COBL: variants seen among roughly 807,000 people sequenced by gnomAD.
COBL encodes cordon-bleu WH2 repeat protein.
In COBL, 51 loss-of-function variants were observed where a neutral mutation model predicts 98.8. The ratio of observed to expected loss-of-function variants is 0.52; its 90% CI spans 0.41 to 0.65. The LOEUF (loss-of-function observed/expected upper bound fraction) is 0.65. COBL is among the 30% of genes least tolerant of loss of function. The probability of loss-of-function intolerance (pLI) is 0.00; values close to 1 mark genes in which losing one functional copy is unlikely to be tolerated. For synonymous variants in COBL, 634 were observed against 651.7 expected (o/e 0.97, Z 0.41); for missense variants, 1,617 against 1,617.5 (o/e 1.00, Z 0.01).
intron 6 of COBL, among the ~76,000 whole-genome samples, chr7:51,094,411 T>C (rs748220511): frequency 1.4e-4 from 21 of 152,164 alleles, no homozygotes; most frequent in Non-Finnish European, 2.5e-4. Flanking sequence ...TGAGGTAATA[T>C]ATATACATTA....
At chr7:51,127,151 T>C (rs1798288743) in intron 6 of COBL, among the ~76,000 whole-genome samples, 1 of 152,140 alleles carries the variant, frequency 6.6e-6, no homozygotes, top group Non-Finnish European at 1.5e-5. Flanking sequence ...TCCCACCTCA[T>C]ATCCGTCTAT....
intron 2 of COBL, among the ~76,000 whole-genome samples, chr7:51,210,233 G>A (rs753541916): frequency 3.3e-5 from 5 of 152,042 alleles, no homozygotes; most frequent in Admixed American, 1.3e-4. Flanking sequence ...TTCAGCAGTC[G>A]AGGGTGGGAG....
chr7:51,026,504 G>C, intron 11 of COBL, 42 bp downstream of exon 11: 1 of 1,605,798 alleles, frequency 6.2e-7, no homozygotes, highest in Non-Finnish European at 8.5e-7. Flanking sequence ...GGGGTGGGTG[G>C]GTTTGAGCTC....
At chr7:51,022,949 C>T (rs1484549207) in intron 12 of COBL, 1 of 152,200 alleles carries the variant, frequency 6.6e-6, no homozygotes, top group Non-Finnish European at 1.5e-5. Flanking sequence ...ATTCAAGATA[C>T]AGATGTCCTA....
chr7:51,225,337 C>T (rs1191159003), intron 1 of COBL, among the ~76,000 whole-genome samples: 4 of 152,176 alleles, frequency 2.6e-5, no homozygotes, highest in African/African-American at 9.7e-5. Flanking sequence ...ATGCATGTGG[C>T]AGTTTAAAAA....
At chr7:51,097,432 G>C (rs567841283) in intron 6 of COBL, among the ~76,000 whole-genome samples, 2 of 152,148 alleles carry the variant, frequency 1.3e-5, no homozygotes, top group African/African-American at 4.8e-5. Context: ...TGAAAATAGT[G>C]TTGGGAGTCC....
chr7:51,293,178 T>C (rs962965665), intron 1 of COBL, among the ~76,000 whole-genome samples: 2 of 152,212 alleles, frequency 1.3e-5, no homozygotes, highest in African/African-American at 4.8e-5. Context: ...CAAATTACTT[T>C]TCAGCTAAGA....
At chr7:51,254,071 G>GT (rs35571345) in intron 1 of COBL, among the ~76,000 whole-genome samples, 47,751 of 147,286 alleles carry the variant, frequency 0.32, 8,939 homozygotes, top group Non-Finnish European at 0.43. Flanking sequence ...TTTTTGAGTT[G>GT]TTTTTTTTTT....
At position 51,275,157 on chromosome 7, in the gene COBL, C is replaced by T. The variant is rs538766160; in HGVS notation, c.41+41436G>A. Among the ~76,000 whole-genome samples, 279 of 152,248 alleles carry T rather than the reference C, an allele frequency of 1.8e-3. 1 individual carries two copies. The highest frequency in any genetic ancestry group is 2.9e-4 in the Non-Finnish European group (20 of 68,024). On this transcript the variant is annotated intron_variant, in intron 1 of 12. Coordinates refer to ENST00000265136, the MANE Select transcript of COBL (RefSeq NM_015198.5). ...CGCTCCATGTTTGTTCTGCTCTGCA[C>T]ATGAGAGAGAGGGGTCACCCCTGCG... is the stretch of plus-strand genomic sequence containing the variant.
chr7:51,258,904 C>A (rs1331074244), intron 1 of COBL, among the ~76,000 whole-genome samples: 4 of 152,146 alleles, frequency 2.6e-5, no homozygotes, highest in Admixed American at 1.3e-4. Flanking sequence ...AGCCTAATGT[C>A]CTAATCAGGC....
chr7:51,199,398 G>A (rs1166607442), intron 2 of COBL, among the ~76,000 whole-genome samples: 4 of 152,030 alleles, frequency 2.6e-5, no homozygotes, highest in African/African-American at 4.8e-5. Context: ...ACACACACAC[G>A]TTTACATGGA....
intron 6 of COBL, among the ~76,000 whole-genome samples, chr7:51,102,896 C>A (rs1040432015): frequency 2.0e-5 from 3 of 152,056 alleles, no homozygotes; most frequent in Non-Finnish European, 4.4e-5. Flanking sequence ...GGTTGCCAGG[C>A]GATGAGGGGA....
At chr7:51,243,254 T>C in intron 1 of COBL, among the ~76,000 whole-genome samples, 1 of 152,190 alleles carries the variant, frequency 6.6e-6, no homozygotes, top group East Asian at 1.9e-4. Flanking sequence ...TGAAGGCAGC[T>C]GTGTGCGGGG....
chr7:51,309,128 T>C (rs1009643980), intron 1 of COBL, among the ~76,000 whole-genome samples: 2 of 152,118 alleles, frequency 1.3e-5, no homozygotes, highest in African/African-American at 4.8e-5. Context: ...GAGTCATAAA[T>C]GCAATCACAA....
intron 1 of COBL, among the ~76,000 whole-genome samples, chr7:51,235,879 C>G (rs1326478540): frequency 6.6e-6 from 1 of 152,224 alleles, no homozygotes; most frequent in Non-Finnish European, 1.5e-5. Flanking sequence ...TGCACTCTTC[C>G]TGGGCCGAGA....
chr7:51,083,893 C>G (rs113465839), intron 7 of COBL, among the ~76,000 whole-genome samples: 1 of 151,986 alleles, frequency 6.6e-6, no homozygotes, highest in African/African-American at 2.4e-5. Context: ...GGGATTGGCA[C>G]GATCCAACCA....
At chr7:51,178,264 C>T (rs1380354952) in intron 5 of COBL, among the ~76,000 whole-genome samples, 1 of 151,832 alleles carries the variant, frequency 6.6e-6, no homozygotes, top group East Asian at 1.9e-4. Context: ...TATTTAAAAG[C>T]TGTTTTAAAT....
chr7:51,256,295 C>T (rs1482856083), intron 1 of COBL, among the ~76,000 whole-genome samples: 2 of 152,168 alleles, frequency 1.3e-5, no homozygotes, highest in African/African-American at 4.8e-5. Context: ...GGGCTGGAGC[C>T]GAGGCACAAA....
At chr7:51,156,340 A>G (rs1316461362) in intron 5 of COBL, 7 of 985,298 alleles carry the variant, frequency 7.1e-6, no homozygotes, top group East Asian at 1.1e-4. Flanking sequence ...AAGTTTATCA[A>G]ATTATCTCAG....
Sources: allele counts gnomAD v4.1 joint callset (sites outside exome capture counted in the v4.1 genomes callset), GRCh38; gene constraint gnomAD v4.1.1; transcripts MANE v1.5; gene names NCBI Gene and HGNC (gene_info 2026-07-23, HGNC 2026-07-21).